XYLT1: variants seen among roughly 807,000 people sequenced by gnomAD.
XYLT1 encodes the protein beta-D-xylosyltransferase 1.
XYLT1 carries 36 observed loss-of-function variants against 91.3 expected under a neutral mutation model. The ratio of observed to expected loss-of-function variants is 0.39; its 90% CI spans 0.30 to 0.52. The LOEUF (loss-of-function observed/expected upper bound fraction) is 0.52, where lower values mean the gene tolerates loss of function less well. Among genes scored for constraint, XYLT1 ranks in the 20% least tolerant of loss-of-function variants. The pLI is 0.68. For missense variants in XYLT1, 1,242 were observed against 1,284.5 expected, an observed-to-expected ratio of 0.97 and a Z score of 0.51; for synonymous variants, 588 against 532.0, an observed-to-expected ratio of 1.11 and a Z score of -1.45.
intron 2 of XYLT1, among the ~76,000 whole-genome samples, chr16:17,311,554 G>A (rs925696641): frequency 1.3e-5 from 2 of 152,102 alleles, no homozygotes; most frequent in Admixed American, 6.5e-5. Context: ...CTCAGACCCA[G>A]GCACACAGCT....
intron 3 of XYLT1, among the ~76,000 whole-genome samples, chr16:17,251,946 G>A (rs1457349567): frequency 6.6e-6 from 1 of 151,970 alleles, no homozygotes; most frequent in African/African-American, 2.4e-5. Context: ...GGAGGGGGCT[G>A]GGGAGGACTG....
intron 1 of XYLT1, among the ~76,000 whole-genome samples, chr16:17,443,029 G>A (rs952124132): frequency 2.6e-5 from 4 of 152,236 alleles, no homozygotes; most frequent in East Asian, 3.9e-4. Context: ...AGGACTGGAC[G>A]CATTGGAGCA....
intron 2 of XYLT1, among the ~76,000 whole-genome samples, chr16:17,304,030 G>GAT (rs1301253667): frequency 6.6e-6 from 1 of 152,062 alleles, no homozygotes; most frequent in Non-Finnish European, 1.5e-5. Context: ...GGTGCATGCA[G>GAT]ATATATATGA....
At chr16:17,214,006 C>T (rs757029169) in intron 3 of XYLT1, among the ~76,000 whole-genome samples, 1 of 152,218 alleles carries the variant, frequency 6.6e-6, no homozygotes, top group Admixed American at 6.5e-5. Context: ...ACAGGGACTA[C>T]TGTCACTTGG....
intron 1 of XYLT1, among the ~76,000 whole-genome samples, chr16:17,386,509 A>C (rs1254495819): frequency 7.9e-5 from 12 of 152,220 alleles, no homozygotes; most frequent in Non-Finnish European, 2.9e-5. Flanking sequence ...GGAGGGGCTC[A>C]GGAACTTGGA....
intron 3 of XYLT1, among the ~76,000 whole-genome samples, chr16:17,229,136 A>T (rs1214823836): frequency 6.6e-6 from 1 of 152,142 alleles, no homozygotes; most frequent in African/African-American, 2.4e-5. Flanking sequence ...AGCCCGGCTA[A>T]TTTTTGTATT....
intron 1 of XYLT1, among the ~76,000 whole-genome samples, chr16:17,422,357 C>T (rs570642201): frequency 1.3e-4 from 20 of 152,102 alleles, no homozygotes; most frequent in Non-Finnish European, 2.6e-4. Flanking sequence ...CCACTATGCC[C>T]AGCTAATTTT....
At chr16:17,338,527 G>A (rs1002138110) in intron 2 of XYLT1, 13 of 456,010 alleles carry the variant, frequency 2.9e-5, no homozygotes, top group Admixed American at 2.8e-4. Context: ...TGTATTTCTT[G>A]TGATTTTCTG....
At chr16:17,181,847 G>A (rs922503651) in intron 5 of XYLT1, among the ~76,000 whole-genome samples, 2 of 152,048 alleles carry the variant, frequency 1.3e-5, no homozygotes, top group Non-Finnish European at 2.9e-5. Context: ...TTGATGCAAC[G>A]GGGTGGGTAC....
chr16:17,153,856 A>G (rs2031341974), intron 6 of XYLT1, among the ~76,000 whole-genome samples: 1 of 152,188 alleles, frequency 6.6e-6, no homozygotes, highest in Admixed American at 6.5e-5. Flanking sequence ...ATTTACATTC[A>G]GCAGGATTTT....
intron 1 of XYLT1, among the ~76,000 whole-genome samples, chr16:17,387,653 C>G (rs1006472821): frequency 5.3e-5 from 8 of 152,254 alleles, no homozygotes; most frequent in Middle Eastern, 3.4e-3. Flanking sequence ...GCTGCTACCC[C>G]CTCCCTGGAC....
In XYLT1 at chr16:17,451,718, G is replaced by A. The variant is rs1293717489; in HGVS notation, c.363+18716C>T. Among the ~76,000 whole-genome samples the A allele has an allele frequency of 5.3e-5, 8 of 152,244 alleles. 1 individual carries two copies. Among genetic ancestry groups the A allele is most frequent in the Admixed American group, 4.6e-4 (7 of 15,288 alleles). On this transcript the variant is annotated intron_variant, in intron 1 of 11. Transcript: ENST00000261381. ...GTCGGCTTCCCATTTCCGCTGTGGA[G>A]TAGCCTTGAGCTTAGTGAGATAGAA...
Position 17,108,855 on chromosome 16 carries a change from T to A in XYLT1, c.2720A>T (p.Asp907Val). 6.2e-7 allele frequency: 1 copy of A among 1,613,060 alleles called. No individual in the cohort carries two copies. Among genetic ancestry groups the A allele is most frequent in the Non-Finnish European group, 8.5e-7 (1 of 1,179,812 alleles). Reference sequence around the variant, plus strand: ...AGTCCACATCCCGCCCACCAACGAGTCCAGCCATCCCTCCAGCGCTGTGCC... The same window carrying A: ...AGTCCACATCCCGCCCACCAACGAGACCAGCCATCCCTCCAGCGCTGTGCC... Reference protein sequence around the residue: ...STGTALEGWLDSLVGGMWTAM... With the variant: ...STGTALEGWLVSLVGGMWTAM... Residue 907 changes from aspartate (D) to valine (V), a missense_variant, in exon 12 of 12, where the codon GAC becomes GTC. This residue lies in a region of XYLT1 where 511 missense variants were observed against 497.0 expected (regional missense o/e 1.03). Coordinates refer to ENST00000261381, the MANE Select transcript of XYLT1 (RefSeq NM_022166.4).
intron 10 of XYLT1, among the ~76,000 whole-genome samples, chr16:17,125,378 G>T (rs1050147739): frequency 3.3e-5 from 5 of 152,098 alleles, no homozygotes; most frequent in African/African-American, 1.2e-4. Context: ...TCTTTCCATT[G>T]CATTTAAAAT....
chr16:17,359,214 C>T (rs975715071), intron 1 of XYLT1, among the ~76,000 whole-genome samples: 1 of 152,284 alleles, frequency 6.6e-6, no homozygotes, highest in South Asian at 2.1e-4. Context: ...AGAGAATGGG[C>T]ATGATTTTAG....
At chr16:17,255,887 A>G (rs2033622803) in intron 3 of XYLT1, among the ~76,000 whole-genome samples, 1 of 152,160 alleles carries the variant, frequency 6.6e-6, no homozygotes, top group Admixed American at 6.5e-5. Context: ...AGGCACCTGT[A>G]ATCTCAGCTA....
At chr16:17,281,892 T>A (rs2034064187) in intron 2 of XYLT1, among the ~76,000 whole-genome samples, 1 of 152,198 alleles carries the variant, frequency 6.6e-6, no homozygotes, top group Non-Finnish European at 1.5e-5. Context: ...TAGGGTTCTA[T>A]GGTTCTATGG....
chr16:17,139,907 T>C (rs562365928), intron 7 of XYLT1, among the ~76,000 whole-genome samples: 6 of 152,352 alleles, frequency 3.9e-5, no homozygotes, highest in African/African-American at 7.2e-5. Flanking sequence ...TCCCCGGAGC[T>C]TGGCACTGCC....
At chr16:17,411,099 G>C (rs2036101736) in intron 1 of XYLT1, among the ~76,000 whole-genome samples, 1 of 152,188 alleles carries the variant, frequency 6.6e-6, no homozygotes, top group South Asian at 2.1e-4. Flanking sequence ...GCCCTTACTT[G>C]CTGGAAGACC....
Sources: allele counts gnomAD v4.1 joint callset (sites outside exome capture counted in the v4.1 genomes callset), GRCh38; gene constraint gnomAD v4.1.1; regional missense constraint gnomAD v4.1.1; transcripts MANE v1.5; gene names NCBI Gene and HGNC (gene_info 2026-07-23, HGNC 2026-07-21).